Variants in FBXL18 observed in about 807,000 individuals in gnomAD.
FBXL18 encodes the protein F-box/LRR-repeat protein 18.
Under a neutral mutation model 46.0 loss-of-function variants are expected in FBXL18, and 36 were observed. The observed-to-expected ratio is 0.78, with a 90% CI of 0.60 to 1.03. The LOEUF (loss-of-function observed/expected upper bound fraction) is 1.03, where lower values mean the gene tolerates loss of function less well. Among genes scored for constraint, FBXL18 ranks in the 50% least tolerant of loss-of-function variants. The pLI is 0.00. For missense variants in FBXL18, 977 were observed against 1,004.1 expected (o/e 0.97, Z 0.36); for synonymous variants, 557 against 465.3 (o/e 1.20, Z -2.54).
At chr7:5,499,456 G>C (rs982736047) in intron 3 of FBXL18, among the ~76,000 whole-genome samples, 2 of 152,202 alleles carry the variant, frequency 1.3e-5, no homozygotes, top group Admixed American at 1.3e-4. Context: ...TGCCAGGCGT[G>C]GTGACTTATG....
At chr7:5,456,715 G>C (rs1783180335) in intron 4 of FBXL18, among the ~76,000 whole-genome samples, 1 of 151,998 alleles carries the variant, frequency 6.6e-6, no homozygotes, top group South Asian at 2.1e-4. Context: ...GTTGGGAGGT[G>C]AGAAGGGATG....
intron 4 of FBXL18, among the ~76,000 whole-genome samples, chr7:5,464,920 G>T (rs371272878): frequency 6.6e-6 from 1 of 151,582 alleles, no homozygotes; most frequent in African/African-American, 2.4e-5. Flanking sequence ...AAAATTAGCC[G>T]GTTGTGGTGG....
intron 1 of FBXL18, among the ~76,000 whole-genome samples, chr7:5,513,077 C>G (rs1248235509): frequency 6.6e-6 from 1 of 152,166 alleles, no homozygotes; most frequent in African/African-American, 2.4e-5. Flanking sequence ...TCTGCAGAGA[C>G]AATACTTTGC....
chr7:5,488,413 C>T (rs1057085207), intron 4 of FBXL18, among the ~76,000 whole-genome samples: 1 of 152,202 alleles, frequency 6.6e-6, no homozygotes, highest in African/African-American at 2.4e-5. Flanking sequence ...GGGGCTGCCC[C>T]GTCATGAGCA....
intron 4 of FBXL18, among the ~76,000 whole-genome samples, chr7:5,483,932 G>A (rs1293811558): frequency 6.6e-6 from 1 of 152,188 alleles, no homozygotes; most frequent in African/African-American, 2.4e-5. Context: ...TGCCTGAGGT[G>A]GTGCTGGACT....
At chr7:5,460,158 G>A (rs1376372749) in intron 4 of FBXL18, among the ~76,000 whole-genome samples, 1 of 152,048 alleles carries the variant, frequency 6.6e-6, no homozygotes, top group East Asian at 1.9e-4. Flanking sequence ...GGAGGCTGAG[G>A]CAGGAGAATC....
intron 4 of FBXL18, among the ~76,000 whole-genome samples, chr7:5,482,969 T>G (rs1321350807): frequency 6.7e-6 from 1 of 148,364 alleles, no homozygotes; most frequent in East Asian, 2.0e-4. Context: ...GCCCAGGAGG[T>G]AGAGGCGGCA....
Position 5,477,472 on chromosome 7 carries a change from GCAGGAGAATCACTTGAGGT to G in FBXL18, c.*4284_*4302del, listed in dbSNP as rs575799751. Among the ~76,000 whole-genome samples, 246 of 152,276 alleles carry G rather than the reference GCAGGAGAATCACTTGAGGT, an allele frequency of 1.6e-3. No homozygotes were observed. The highest frequency in any genetic ancestry group is 5.4e-3 in the African/African-American group (224 of 41,556). ...TATCCTAGCACTTTGGGAGGCCGAG[GCAGGAGAATCACTTGAGGT>G]CAGGAGTTCAAGGCCAGCCTGACCA... On this transcript the variant is annotated 3_prime_UTR_variant, in exon 5 of 5. Coordinates refer to ENST00000382368, the MANE Select transcript of FBXL18 (RefSeq NM_024963.6). The surrounding 1 kb of genome is among the most constrained non-coding windows in gnomAD (Gnocchi z 4.4).
intron 4 of FBXL18, among the ~76,000 whole-genome samples, chr7:5,470,741 C>A (rs1299751491): frequency 6.7e-6 from 1 of 150,198 alleles, no homozygotes; most frequent in Non-Finnish European, 1.5e-5. Flanking sequence ...ATGTCCACTT[C>A]CTGAGCTTGG....
intron 1 of FBXL18, among the ~76,000 whole-genome samples, chr7:5,508,479 T>C (rs1317283379): frequency 6.7e-6 from 1 of 149,102 alleles, no homozygotes. Flanking sequence ...CACAGTGGCA[T>C]GTGCCTGTTG....
rs577503023 is a variant in FBXL18 at position 5,481,790 on chromosome 7, C to T, written c.2142G>A (p.Pro714=). 6 of 1,613,464 alleles carry T rather than the reference C, an allele frequency of 3.7e-6. No homozygotes were observed. Among genetic ancestry groups the T allele is most frequent in the African/African-American group, 1.3e-5 (1 of 75,050 alleles). The change falls in exon 5 of 5, where the codon CCG becomes CCA. Residue 714 remains proline (P), a synonymous_variant. Coordinates refer to ENST00000382368, the MANE Select transcript of FBXL18 (RefSeq NM_024963.6). The part of the protein sequence containing the change: ...LFKSRVAEEP[P]NLWW Reference sequence around the variant, plus strand: ...GCTCCGCCTCTCACCACCACAGGTTCGGCGGTTCCTCGGCCACTCTGCTCT... The same window carrying T: ...GCTCCGCCTCTCACCACCACAGGTTTGGCGGTTCCTCGGCCACTCTGCTCT...
At position 5,501,589 on chromosome 7, in the gene FBXL18, T is replaced by C. The variant is rs757376641; in HGVS notation, c.680A>G (p.Tyr227Cys). ...LMVGQSNVPHYQNLRVFYARL... is the reference protein window; with the variant it reads ...LMVGQSNVPHCQNLRVFYARL... ...CGCATAGAAGACCCGCAGGTTCTGG[T>C]AGTGCGGCACGTTGCTCTGGCCCAC... Residue 227 changes from tyrosine (Y) to cysteine (C), a missense_variant, in exon 3 of 5, where the codon TAC becomes TGC. By Grantham distance (194) the Tyr-to-Cys change is radical. Transcript: ENST00000382368. The C allele has an allele frequency of 1.9e-6, 3 of 1,613,846 alleles. No homozygotes were observed. Among genetic ancestry groups the C allele is most frequent in the Admixed American group, 3.3e-5 (2 of 60,018 alleles).
chr7:5,486,058 C>CA (rs1230116681), intron 4 of FBXL18, among the ~76,000 whole-genome samples: 2 of 105,804 alleles, frequency 1.9e-5, no homozygotes, highest in African/African-American at 4.8e-5. Context: ...GACTCTGTCT[C>CA]AAAAAAATAA....
Position 5,513,668 on chromosome 7 carries a change from T to G in FBXL18, c.7A>C (p.Ser3Arg). 3 of 1,609,878 alleles carry G rather than the reference T, an allele frequency of 1.9e-6. No individual in the cohort carries two copies. The highest frequency in any genetic ancestry group is 1.7e-6 in the Non-Finnish European group (2 of 1,178,248). The change falls in exon 1 of 5, where the codon AGC (serine) becomes CGC (arginine). Residue 3 changes from serine to arginine, a missense_variant. Coordinates refer to ENST00000382368, the MANE Select transcript of FBXL18 (RefSeq NM_024963.6). MA[S>R]SGEDISNDDD... ...GTCGCGGACAGTACCTCTCCGGAGC[T>G]GGCCATGTCGCCGGCGGGTCCGAAC...
rs1490216964 is a variant in FBXL18, at chr7:5,478,365, C to T, written c.*3410G>A. 2.6e-5 allele frequency: 4 copies of T among 152,280 alleles called. No individual in the cohort carries two copies. Among genetic ancestry groups the T allele is most frequent in the Non-Finnish European group, 5.9e-5 (4 of 68,086 alleles). The allele number at this position is 152,280 out of a possible 1,614,324, so 9.4% of individuals were successfully genotyped here. A position where few individuals can be genotyped will look rare whatever the true frequency, so the allele number is the denominator to read the frequency against. ...CATAGCAGAAAGGAGTACTCAAGGCCCAGAAAGGCAGCTTTGCTCTGGGTC... is the reference window on the plus strand; with the variant it reads ...CATAGCAGAAAGGAGTACTCAAGGCTCAGAAAGGCAGCTTTGCTCTGGGTC... On this transcript the variant is annotated 3_prime_UTR_variant, in exon 5 of 5. Transcript: ENST00000382368.
chr7:5,461,122 G>C (rs368025146), intron 4 of FBXL18, among the ~76,000 whole-genome samples: 8 of 152,326 alleles, frequency 5.3e-5, no homozygotes, highest in African/African-American at 1.9e-4. Context: ...CTGCACTCTC[G>C]GGGTGGCAGG....
chr7:5,508,911 C>T (rs1784459264), intron 1 of FBXL18, among the ~76,000 whole-genome samples: 1 of 152,256 alleles, frequency 6.6e-6, no homozygotes, highest in Non-Finnish European at 1.5e-5. Flanking sequence ...CTGGGCCAGA[C>T]GCTGTAATGC....
chr7:5,493,043 G>T lies in FBXL18; in HGVS notation c.1782-1594C>A, dbSNP rs570071965. On this transcript the variant is annotated intron_variant, in intron 3 of 4. Transcript: ENST00000382368. Reference sequence around the variant, plus strand: ...TCTTCCCTGGTAGGTGACACAAAAAGACCAAGTCACGGCGGGCATGGTGGC... The same window carrying T: ...TCTTCCCTGGTAGGTGACACAAAAATACCAAGTCACGGCGGGCATGGTGGC... Among the ~76,000 whole-genome samples, 315 of 152,252 alleles carry T rather than the reference G, an allele frequency of 2.1e-3. 1 individual carries two copies. Among genetic ancestry groups the T allele is most frequent in the Non-Finnish European group, 3.6e-3 (246 of 68,020 alleles).
Position 5,504,302 on chromosome 7 carries a change from C to T in FBXL18, c.237+1110G>A, listed in dbSNP as rs183459693. 6.7e-5 allele frequency among the ~76,000 whole-genome samples: 10 copies of T among 149,698 alleles called. No individual in the cohort carries two copies. The East Asian group carries it at 2.1e-3, about 32-fold the overall frequency. On this transcript the variant is annotated intron_variant, in intron 2 of 4. Transcript: ENST00000382368. Reference sequence around the variant, plus strand: ...AAAATTAGCTGGGCATGGTGGTGGGCACCTGTAATCCCAGCTACTTAGGAG... The same window carrying T: ...AAAATTAGCTGGGCATGGTGGTGGGTACCTGTAATCCCAGCTACTTAGGAG...
Sources: allele counts gnomAD v4.1 joint callset (sites outside exome capture counted in the v4.1 genomes callset), GRCh38; gene constraint gnomAD v4.1.1; non-coding constraint Gnocchi (gnomAD v3.1); transcripts MANE v1.5; gene names NCBI Gene and HGNC (gene_info 2026-07-23, HGNC 2026-07-21).